Variants in RAB4A observed in about 807,000 individuals in gnomAD.
RAB4A encodes RAB4A, member RAS oncogene family.
A neutral mutation model predicts 34.5 loss-of-function variants in RAB4A; 20 were observed. The ratio of observed to expected loss-of-function variants is 0.58; its 90% CI spans 0.41 to 0.84. The LOEUF is 0.84. Among genes scored for constraint, RAB4A ranks in the 40% least tolerant of loss-of-function variants. The probability of loss-of-function intolerance (pLI) is 0.00; values close to 1 mark genes in which losing one functional copy is unlikely to be tolerated. For missense variants in RAB4A, 228 were observed against 274.5 expected, an observed-to-expected ratio of 0.83 and a Z score of 1.20; for synonymous variants, 102 against 100.0, an observed-to-expected ratio of 1.02 and a Z score of -0.12.
intron 1 of RAB4A, among the ~76,000 whole-genome samples, chr1:229,283,087 G>T (rs184736505): frequency 8.5e-4 from 130 of 152,158 alleles, no homozygotes; most frequent in African/African-American, 3.0e-3. Flanking sequence ...TCCTCTCTTG[G>T]ACACTACCTT....
intron 1 of RAB4A, among the ~76,000 whole-genome samples, chr1:229,273,196 C>G (rs934562217): frequency 6.6e-6 from 1 of 152,228 alleles, no homozygotes; most frequent in Admixed American, 6.5e-5. Flanking sequence ...GGAGATAGAG[C>G]TTTTATGTTT....
At chr1:229,290,084 C>T (rs1255396325) in intron 3 of RAB4A, among the ~76,000 whole-genome samples, 2 of 152,178 alleles carry the variant, frequency 1.3e-5, no homozygotes, top group African/African-American at 4.8e-5. Flanking sequence ...GCTCTGACAG[C>T]AGAAGGAGCT....
Position 229,302,278 on chromosome 1 carries a change from TATATATATATATATATATATATATATATA to T in RAB4A, c.542-583_542-555del, listed in dbSNP as rs1657411041. On this transcript the variant is annotated intron_variant, in intron 6 of 7. Coordinates refer to ENST00000366690, the MANE Select transcript of RAB4A (RefSeq NM_004578.4). Reference sequence around the variant, plus strand: ...ATAATTATATATATATATATATATATATATATATATATATATATATATATATATATATTTTTTTTTTTTTTTTACATGTG... The same window carrying T: ...ATAATTATATATATATATATATATATTATTTTTTTTTTTTTTTTACATGTG... Among the ~76,000 whole-genome samples the T allele has an allele frequency of 7.0e-4, 16 of 22,852 alleles. 1 individual carries two copies. The South Asian group carries it at 0.01, about 14-fold the overall frequency. 15.0% of individuals were successfully genotyped at this position (22,852 alleles called of 152,430 possible).
chr1:229,297,206 A>G (rs372152198), intron 4 of RAB4A, among the ~76,000 whole-genome samples: 62 of 152,368 alleles, frequency 4.1e-4, no homozygotes, highest in East Asian at 5.8e-4. Context: ...ATATTTGTCA[A>G]TTGAATGAAG....
At chr1:229,283,888 G>A (rs1656846408) in intron 1 of RAB4A, among the ~76,000 whole-genome samples, 1 of 144,852 alleles carries the variant, frequency 6.9e-6, no homozygotes, top group Non-Finnish European at 1.5e-5. Context: ...TACCACGCCT[G>A]GCTAATTTTT....
chr1:229,273,248 T>A (rs419478), intron 1 of RAB4A, among the ~76,000 whole-genome samples: 98,837 of 152,118 alleles, frequency 0.65, 32,345 homozygotes, highest in African/African-American at 0.71. Context: ...AAAATAGAGC[T>A]TATCTTTGGC....
intron 1 of RAB4A, among the ~76,000 whole-genome samples, chr1:229,275,769 C>T (rs1341320592): frequency 3.3e-5 from 5 of 151,914 alleles, no homozygotes; most frequent in African/African-American, 7.2e-5. Flanking sequence ...TACAGGCGCC[C>T]GCCACCACAC....
chr1:229,272,072 A>T (rs1039698663), intron 1 of RAB4A, among the ~76,000 whole-genome samples: 1 of 150,490 alleles, frequency 6.6e-6, no homozygotes, highest in African/African-American at 2.4e-5. Context: ...CTTGACAAAT[A>T]CTGTTTTGAA....
At chr1:229,289,381 ATAGAT>A (rs1391707705) in intron 3 of RAB4A, among the ~76,000 whole-genome samples, 2 of 152,264 alleles carry the variant, frequency 1.3e-5, no homozygotes, top group African/African-American at 4.8e-5. Flanking sequence ...AAGCAAGAAA[ATAGAT>A]TAATATTTTA....
intron 6 of RAB4A, among the ~76,000 whole-genome samples, chr1:229,300,050 C>T (rs1172867225): frequency 1.3e-5 from 2 of 152,184 alleles, no homozygotes; most frequent in Non-Finnish European, 2.9e-5. Context: ...GGATCTAGAA[C>T]TTTATCTTGT....
chr1:229,300,760 G>A (rs2102855760), intron 6 of RAB4A, among the ~76,000 whole-genome samples: 1 of 152,234 alleles, frequency 6.6e-6, no homozygotes, highest in Admixed American at 6.5e-5. Flanking sequence ...GGCAGTATAA[G>A]TTTGGGAACC....
At position 229,296,775 on chromosome 1, in the gene RAB4A, T is replaced by A. The variant is rs550739152; in HGVS notation, c.291-707T>A. 7.2e-3 allele frequency among the ~76,000 whole-genome samples: 1,096 copies of A among 152,356 alleles called. 15 individuals carry two copies. The highest frequency in any genetic ancestry group is 0.025 in the African/African-American group (1,048 of 41,576). On this transcript the variant is annotated intron_variant, in intron 4 of 7. Coordinates refer to ENST00000366690, the MANE Select transcript of RAB4A (RefSeq NM_004578.4). ...GCGTTCTGAGAGGAGGAAGGCAGTT[T>A]CTGGCCCAGCCCTTCCTGCACTTGC...
At chr1:229,298,312 A>G (rs1015116054) in intron 5 of RAB4A, among the ~76,000 whole-genome samples, 6 of 152,230 alleles carry the variant, frequency 3.9e-5, no homozygotes, top group Non-Finnish European at 8.8e-5. Flanking sequence ...AGAAATCCAT[A>G]TGCCATCATG....
At chr1:229,280,459 T>G (rs1311133233) in intron 1 of RAB4A, among the ~76,000 whole-genome samples, 1 of 152,238 alleles carries the variant, frequency 6.6e-6, no homozygotes, top group Non-Finnish European at 1.5e-5. Context: ...TGCTCCTTCC[T>G]TGTGGTATTG....
In RAB4A at chr1:229,305,539, G is replaced by T. The variant is rs1005129342; in HGVS notation, c.*1746G>T. 3.0e-6 allele frequency: 1 copy of T among 336,768 alleles called. No homozygotes were observed. The allele number at this position is 336,768 out of a possible 1,614,324, so 20.9% of individuals were successfully genotyped here. A position where few individuals can be genotyped will look rare whatever the true frequency, so the allele number is the denominator to read the frequency against. ...TTCTTAATCAGGCTTTGCCTTTAGG[G>T]AGAATGAGGAGGAGAGATAATTGGG... On this transcript the variant is annotated 3_prime_UTR_variant, in exon 8 of 8. Transcript: ENST00000366690.
intron 2 of RAB4A, among the ~76,000 whole-genome samples, chr1:229,287,733 G>A (rs896642534): frequency 6.6e-6 from 1 of 151,992 alleles, no homozygotes; most frequent in African/African-American, 2.4e-5. Flanking sequence ...TTCCATACTA[G>A]TTCTATACTG....
chr1:229,293,703 C>G (rs1346783742), intron 3 of RAB4A, among the ~76,000 whole-genome samples: 1 of 151,956 alleles, frequency 6.6e-6, no homozygotes, highest in Non-Finnish European at 1.5e-5. Flanking sequence ...AAAGAGCATC[C>G]CACCAAGTGG....
intron 1 of RAB4A, among the ~76,000 whole-genome samples, chr1:229,271,805 C>G (rs574077144): frequency 6.6e-6 from 1 of 152,278 alleles, no homozygotes; most frequent in African/African-American, 2.4e-5. Flanking sequence ...TTTGACCTTT[C>G]CTGGTTTGGA....
intron 3 of RAB4A, among the ~76,000 whole-genome samples, chr1:229,293,839 C>T (rs747624361): frequency 5.2e-4 from 79 of 152,258 alleles, no homozygotes; most frequent in Non-Finnish European, 9.0e-4. Flanking sequence ...AGCGGTGTGA[C>T]GAGCCCAGAC....
Sources: gnomAD v4.1 joint callset for allele counts (sites outside exome capture counted in the v4.1 genomes callset) on GRCh38, gnomAD v4.1.1 for gene constraint, MANE v1.5 for transcripts, NCBI Gene and HGNC (gene_info 2026-07-23, HGNC 2026-07-21) for gene names.